Variants in PHTF1 observed in about 807,000 individuals in gnomAD.
The protein encoded by PHTF1 is putative homeodomain transcription factor 1, also known as protein PHTF1.
A neutral mutation model predicts 102.4 loss-of-function variants in PHTF1; 88 were observed. The observed-to-expected ratio is 0.86, with a 90% confidence interval of 0.72 to 1.03. The LOEUF is 1.03. Ranked by LOEUF, PHTF1 falls within the 50% of genes least tolerant of loss-of-function variation. The probability of loss-of-function intolerance (pLI) is 0.00; values close to 1 mark genes in which losing one functional copy is unlikely to be tolerated. For synonymous variants in PHTF1, 289 were observed against 305.2 expected (o/e 0.95, Z 0.55); for missense variants, 814 against 909.5 (o/e 0.89, Z 1.35).
At chr1:113,710,588 A>C in intron 10 of PHTF1, 113 bp from the exon 11 acceptor site, 1 of 702,512 alleles carries the variant, frequency 1.4e-6, no homozygotes, top group Non-Finnish European at 2.4e-6. Flanking sequence ...TTCAGAAGTC[A>C]ATCACCATGA....
At position 113,710,318 on chromosome 1, in the gene PHTF1, C is replaced by T; in HGVS notation, c.1205G>A (p.Gly402Glu). The T allele has an allele frequency of 1.2e-6, 2 of 1,614,078 alleles. No homozygotes were observed. The highest frequency in any genetic ancestry group is 8.5e-7 in the Non-Finnish European group (1 of 1,180,024). Reference sequence around the variant, plus strand: ...TGAGTGAAGGGTATTCACATGGGCCCCCTCACTGTCACTGGTGACAGATGA... The same window carrying T: ...TGAGTGAAGGGTATTCACATGGGCCTCCTCACTGTCACTGGTGACAGATGA... ...CRSSVTSDSE[G>E]AHVNTLHSGT... The change falls in exon 11 of 19, where the codon GGG becomes GAG. Residue 402 changes from glycine (G) to glutamate (E), a missense_variant. By Grantham distance (98) the Gly-to-Glu change is moderately conservative. Transcript: ENST00000369604.
chr1:113,704,158 GCCC>G lies in PHTF1; in HGVS notation c.1810_1812del (p.Gly604del), dbSNP rs747075651. 6.2e-7 allele frequency: 1 copy of G among 1,610,922 alleles called. No individual in the cohort carries two copies. The highest frequency in any genetic ancestry group is 2.2e-5 in the East Asian group (1 of 44,842). Reference sequence around the variant, plus strand: ...ACAACCACATCAACTGAACGCTGTGGCCCCCGTCTCTGTGGAGTGAGACACATG... The same window carrying G: ...ACAACCACATCAACTGAACGCTGTGGCCGTCTCTGTGGAGTGAGACACATG... On this transcript the variant is annotated inframe_deletion, in exon 15 of 19. Transcript: ENST00000369604.
chr1:113,728,233 A>G (rs1571178135), intron 5 of PHTF1, among the ~76,000 whole-genome samples: 3 of 152,216 alleles, frequency 2.0e-5, no homozygotes, highest in South Asian at 2.1e-4. Flanking sequence ...CAGAATATAT[A>G]AGGAGCTCAA....
At chr1:113,758,093 C>T (rs1191880733) in intron 2 of PHTF1, among the ~76,000 whole-genome samples, 1 of 151,832 alleles carries the variant, frequency 6.6e-6, no homozygotes, top group Non-Finnish European at 1.5e-5. Context: ...ACTAAAAATA[C>T]AAAAAATTAG....
At chr1:113,723,176 C>T (rs1653267440) in intron 7 of PHTF1, among the ~76,000 whole-genome samples, 2 of 148,602 alleles carry the variant, frequency 1.3e-5, no homozygotes, top group South Asian at 4.2e-4. Flanking sequence ...ACAGTGAACT[C>T]ATTTTTTTTT....
intron 3 of PHTF1, among the ~76,000 whole-genome samples, chr1:113,740,729 G>C (rs1170952800): frequency 1.3e-5 from 2 of 152,014 alleles, no homozygotes; most frequent in Non-Finnish European, 2.9e-5. Flanking sequence ...CTTGATTTTT[G>C]TATATGGTGA....
intron 3 of PHTF1, among the ~76,000 whole-genome samples, chr1:113,741,696 A>T (rs1457906198): frequency 6.6e-6 from 1 of 152,196 alleles, no homozygotes; most frequent in African/African-American, 2.4e-5. Context: ...AATATTCGAC[A>T]AGTATCTTCT....
rs1352490303 is a variant in PHTF1 at position 113,759,483 on chromosome 1, G to C, written c.-491C>G. Reference sequence around the variant, plus strand: ...CGCGCCGGGATGCAGTGACTCAGCCGTCTGAGATCTGGGCTAGAGCCGCTC... The same window carrying C: ...CGCGCCGGGATGCAGTGACTCAGCCCTCTGAGATCTGGGCTAGAGCCGCTC... On this transcript the variant is annotated 5_prime_UTR_variant, in exon 1 of 19. Coordinates refer to ENST00000369604, the MANE Select transcript of PHTF1 (RefSeq NM_001323043.2). 1 of 152,276 alleles carries C rather than the reference G, an allele frequency of 6.6e-6. No individual in the cohort carries two copies. Among genetic ancestry groups the C allele is most frequent in the African/African-American group, 2.4e-5 (1 of 41,452 alleles). 9.4% of individuals were successfully genotyped at this position (152,276 alleles called of 1,614,324 possible).
chr1:113,729,237 G>A (rs1418865307), intron 5 of PHTF1, among the ~76,000 whole-genome samples: 1 of 152,198 alleles, frequency 6.6e-6, no homozygotes, highest in Non-Finnish European at 1.5e-5. Context: ...TGAACTCAAG[G>A]AGACAGAGAG....
intron 5 of PHTF1, among the ~76,000 whole-genome samples, chr1:113,728,263 C>T (rs1486960288): frequency 2.6e-5 from 4 of 152,106 alleles, no homozygotes; most frequent in African/African-American, 9.7e-5. Flanking sequence ...TAGGAAATAA[C>T]CTAATAATCT....
intron 3 of PHTF1, among the ~76,000 whole-genome samples, chr1:113,744,252 G>T (rs1656864087): frequency 6.6e-6 from 1 of 152,134 alleles, no homozygotes; most frequent in South Asian, 2.1e-4. Context: ...CACAAGCTCA[G>T]AACCACTTGA....
chr1:113,758,083 A>G (rs1384792859), intron 2 of PHTF1, among the ~76,000 whole-genome samples: 1 of 152,068 alleles, frequency 6.6e-6, no homozygotes, highest in Non-Finnish European at 1.5e-5. Context: ...CCCCGTCCCT[A>G]CTAAAAATAC....
At chr1:113,701,084 T>G in intron 15 of PHTF1, 135 bp from the exon 16 acceptor site, 1 of 658,764 alleles carries the variant, frequency 1.5e-6, no homozygotes, top group Non-Finnish European at 2.6e-6. Flanking sequence ...GCTTTAATAC[T>G]CATTAACTAT....
intron 7 of PHTF1, among the ~76,000 whole-genome samples, chr1:113,721,113 G>A (rs2093436): frequency 0.75 from 114,657 of 151,966 alleles, 43,953 homozygotes; most frequent in African/African-American, 0.86. Context: ...TCAAATATTA[G>A]TAACAATAAG....
chr1:113,706,084 A>C lies in PHTF1; in HGVS notation c.1477T>G (p.Leu493Val). Residue 493 changes from leucine to valine, a missense_variant, in exon 13 of 19, where the codon TTA (leucine) becomes GTA (valine). Coordinates refer to ENST00000369604, the MANE Select transcript of PHTF1 (RefSeq NM_001323043.2). ...CTCTTCTCACGGAAAAGTCGATGTA[A>C]GAATGGAAAAAATGCTAATCCAATA... ...VTIGLAFFPFLHRLFREKSLD... is the reference protein window; with the variant it reads ...VTIGLAFFPFVHRLFREKSLD... The C allele has an allele frequency of 6.2e-7, 1 of 1,614,148 alleles. No homozygotes were observed. Among genetic ancestry groups the C allele is most frequent in the African/African-American group, 1.3e-5 (1 of 75,066 alleles).
intron 7 of PHTF1, among the ~76,000 whole-genome samples, chr1:113,719,424 T>C (rs1328086758): frequency 3.3e-5 from 5 of 152,216 alleles, no homozygotes; most frequent in Admixed American, 2.0e-4. Context: ...GCTTTGCTAC[T>C]TAGAAATTTT....
At position 113,712,113 on chromosome 1, in the gene PHTF1, C is replaced by T. The variant is rs1368106615; in HGVS notation, c.784G>A (p.Glu262Lys). 6.2e-7 allele frequency: 1 copy of T among 1,613,382 alleles called. No individual in the cohort carries two copies. Among genetic ancestry groups the T allele is most frequent in the Non-Finnish European group, 8.5e-7 (1 of 1,179,514 alleles). The change falls in exon 9 of 19, where the codon GAG becomes AAG. Residue 262 changes from glutamate (E) to lysine (K), a missense_variant and splice_region_variant. By Grantham distance (56) the Glu-to-Lys change is moderately conservative. Transcript: ENST00000369604. ...KFSDGEKCRR[E>K]AFRRLGNGVS... ...CCATTACCCAAACGCCTAAAAGCCT[C>T]CTACAAAGAGAACAGCAATACCTTC...
chr1:113,750,677 G>A (rs1657931377), intron 3 of PHTF1, among the ~76,000 whole-genome samples: 1 of 151,704 alleles, frequency 6.6e-6, no homozygotes, highest in South Asian at 2.1e-4. Context: ...CCAACATGGT[G>A]AAACCCCACC....
intron 3 of PHTF1, among the ~76,000 whole-genome samples, chr1:113,749,959 G>A (rs1237829126): frequency 1.3e-5 from 2 of 151,890 alleles, no homozygotes; most frequent in East Asian, 3.9e-4. Context: ...AGAGATTAGT[G>A]CATGTATTTG....
Sources: allele counts gnomAD v4.1 joint callset (sites outside exome capture counted in the v4.1 genomes callset), GRCh38; gene constraint gnomAD v4.1.1; transcripts MANE v1.5; gene names NCBI Gene and HGNC (gene_info 2026-07-23, HGNC 2026-07-21).